Variants in LRRTM4 observed in about 807,000 individuals in gnomAD.
LRRTM4 encodes leucine rich repeat transmembrane neuronal 4, also known as leucine-rich repeat transmembrane neuronal protein 4.
Under a neutral mutation model 47.6 loss-of-function variants are expected in LRRTM4, and 25 were observed. That is an observed-to-expected ratio of 0.53 (90% CI 0.38 to 0.73). The LOEUF is 0.73. LRRTM4 is among the 30% of genes least tolerant of loss of function. The probability of loss-of-function intolerance (pLI) is 0.00; values close to 1 mark genes in which losing one functional copy is unlikely to be tolerated. For synonymous variants in LRRTM4, 311 were observed against 269.5 expected (o/e 1.15, Z -1.51); for missense variants, 638 against 713.4 (o/e 0.89, Z 1.20).
intron 3 of LRRTM4, among the ~76,000 whole-genome samples, chr2:76,774,378 G>T (rs1272589137): frequency 6.6e-6 from 1 of 152,012 alleles, no homozygotes; most frequent in African/African-American, 2.4e-5. Context: ...TTTTAGTAGA[G>T]AAGGGGTTTC....
At chr2:77,488,224 T>C (rs1678002154) in intron 3 of LRRTM4, among the ~76,000 whole-genome samples, 1 of 151,968 alleles carries the variant, frequency 6.6e-6, no homozygotes, top group South Asian at 2.1e-4. Context: ...ACCACCACAT[T>C]CCCCGGTGCC....
chr2:77,195,810 T>C (rs1021391190), intron 3 of LRRTM4, among the ~76,000 whole-genome samples: 2 of 152,054 alleles, frequency 1.3e-5, no homozygotes, highest in Non-Finnish European at 2.9e-5. Flanking sequence ...TGAAATTCTG[T>C]TTTGAGAGGA....
In LRRTM4 at chr2:76,966,874, G is replaced by T. The variant is rs190876154; in HGVS notation, c.1552-217958C>A. Reference sequence around the variant, plus strand: ...TACCTCTCTGACGACTTTTCAGATTGCTTGTATTGCCTTCATTGTTCATCT... The same window carrying T: ...TACCTCTCTGACGACTTTTCAGATTTCTTGTATTGCCTTCATTGTTCATCT... On this transcript the variant is annotated intron_variant, in intron 3 of 3. Coordinates refer to ENST00000409884, the MANE Select transcript of LRRTM4 (RefSeq NM_001134745.3). Among the ~76,000 whole-genome samples, 5 of 151,438 alleles carry T rather than the reference G, an allele frequency of 3.3e-5. 1 individual carries two copies. Among genetic ancestry groups the T allele is most frequent in the Admixed American group, 6.6e-5 (1 of 15,126 alleles).
intron 3 of LRRTM4, among the ~76,000 whole-genome samples, chr2:76,834,691 T>C (rs567535748): frequency 5.3e-4 from 81 of 152,108 alleles, no homozygotes; most frequent in Non-Finnish European, 1.1e-3. Context: ...TGTGAGAATA[T>C]AAAAATATCT....
intron 3 of LRRTM4, among the ~76,000 whole-genome samples, chr2:77,169,910 T>C (rs1242706538): frequency 4.6e-5 from 7 of 152,230 alleles, no homozygotes; most frequent in Non-Finnish European, 7.3e-5. Flanking sequence ...TCTAAGTTTG[T>C]TGTGCGTTGT....
intron 3 of LRRTM4, among the ~76,000 whole-genome samples, chr2:76,835,544 T>C (rs1327076663): frequency 1.3e-5 from 2 of 152,064 alleles, no homozygotes; most frequent in African/African-American, 4.8e-5. Context: ...TAATAATATA[T>C]TCAGCTTTGA....
intron 3 of LRRTM4, among the ~76,000 whole-genome samples, chr2:77,062,914 T>C (rs1405786086): frequency 6.6e-6 from 1 of 151,862 alleles, no homozygotes; most frequent in Non-Finnish European, 1.5e-5. Context: ...ATTTTTCTTC[T>C]GTGTTCAGTT....
chr2:77,177,305 C>T (rs910152612), intron 3 of LRRTM4, among the ~76,000 whole-genome samples: 2 of 152,176 alleles, frequency 1.3e-5, no homozygotes, highest in Non-Finnish European at 2.9e-5. Context: ...AAGCCATAGT[C>T]ATCTGCACTA....
At chr2:77,298,802 A>G (rs1182807893) in intron 3 of LRRTM4, among the ~76,000 whole-genome samples, 2 of 152,202 alleles carry the variant, frequency 1.3e-5, no homozygotes, top group African/African-American at 4.8e-5. Context: ...GAGGAAAAAT[A>G]ACTTGAATAA....
chr2:77,135,433 C>T (rs1671909001), intron 3 of LRRTM4, among the ~76,000 whole-genome samples: 1 of 152,152 alleles, frequency 6.6e-6, no homozygotes, highest in Non-Finnish European at 1.5e-5. Context: ...AGAACAAACT[C>T]TTCACAGAAT....
intron 3 of LRRTM4, among the ~76,000 whole-genome samples, chr2:77,090,245 G>A (rs1471747951): frequency 1.3e-5 from 2 of 152,134 alleles, no homozygotes; most frequent in Non-Finnish European, 2.9e-5. Context: ...CATAGTCAAG[G>A]TTAATGCTCC....
At chr2:77,124,285 G>A (rs1572985123) in intron 3 of LRRTM4, among the ~76,000 whole-genome samples, 2 of 152,168 alleles carry the variant, frequency 1.3e-5, no homozygotes, top group South Asian at 2.1e-4. Context: ...GAAGTGGCCT[G>A]GGGCTTATAC....
chr2:76,876,019 T>A (rs971255643), intron 3 of LRRTM4, among the ~76,000 whole-genome samples: 1 of 152,150 alleles, frequency 6.6e-6, no homozygotes, highest in Non-Finnish European at 1.5e-5. Context: ...ATCTTTATAA[T>A]CATTGACTTT....
At chr2:76,763,057 T>C (rs1051263978) in intron 3 of LRRTM4, among the ~76,000 whole-genome samples, 2 of 152,202 alleles carry the variant, frequency 1.3e-5, no homozygotes, top group African/African-American at 4.8e-5. Context: ...TTCTCTTCCT[T>C]TCTATCGCCT....
At chr2:76,792,281 T>TTTAAGATGAAAGTCATA (rs1553409420) in intron 3 of LRRTM4, among the ~76,000 whole-genome samples, 1 of 151,982 alleles carries the variant, frequency 6.6e-6, no homozygotes, top group Non-Finnish European at 1.5e-5. Context: ...ACCTTCACTG[T>TTTAAGATGAAAGTCATA]TTAAGATGAA....
intron 3 of LRRTM4, among the ~76,000 whole-genome samples, chr2:77,027,098 C>A (rs1390894239): frequency 6.6e-6 from 1 of 152,056 alleles, no homozygotes; most frequent in Non-Finnish European, 1.5e-5. Flanking sequence ...CCCACACCTC[C>A]CCAATGCCCC....
chr2:77,057,405 A>C (rs1451729738), intron 3 of LRRTM4, among the ~76,000 whole-genome samples: 2 of 152,206 alleles, frequency 1.3e-5, no homozygotes, highest in African/African-American at 4.8e-5. Flanking sequence ...ACCTGGAACA[A>C]GCTAAACTAA....
At chr2:77,459,059 C>T (rs1243087095) in intron 3 of LRRTM4, among the ~76,000 whole-genome samples, 1 of 151,954 alleles carries the variant, frequency 6.6e-6, no homozygotes, top group Non-Finnish European at 1.5e-5. Context: ...TGAAATACAT[C>T]ACAATCTGTT....
intron 3 of LRRTM4, among the ~76,000 whole-genome samples, chr2:77,094,844 G>C (rs1457322955): frequency 1.3e-5 from 2 of 151,926 alleles, no homozygotes; most frequent in East Asian, 3.9e-4. Flanking sequence ...AAGAAAACAG[G>C]GGAAAAGCTC....
Sources: allele counts gnomAD v4.1 joint callset (sites outside exome capture counted in the v4.1 genomes callset), GRCh38; gene constraint gnomAD v4.1.1; transcripts MANE v1.5; gene names NCBI Gene and HGNC (gene_info 2026-07-23, HGNC 2026-07-21).